Variants in ARHGAP8 observed in about 807,000 individuals in gnomAD.
ARHGAP8 encodes the protein rho GTPase-activating protein 8.
Under a neutral mutation model 46.1 loss-of-function variants are expected in ARHGAP8, and 62 were observed. That is an observed-to-expected ratio of 1.34 (90% CI 1.10 to 1.66). The LOEUF is 1.66. ARHGAP8 is among the 40% of genes most tolerant of loss of function. The probability of loss-of-function intolerance (pLI) is 0.00; values close to 1 mark genes in which losing one functional copy is unlikely to be tolerated. For missense variants in ARHGAP8, 923 were observed against 568.4 expected, an observed-to-expected ratio of 1.62 and a Z score of -6.34; for synonymous variants, 375 against 243.1, an observed-to-expected ratio of 1.54 and a Z score of -5.05.
chr22:44,815,414 C>T (rs1364111035), intron 5 of ARHGAP8, among the ~76,000 whole-genome samples: 1 of 151,476 alleles, frequency 6.6e-6, no homozygotes, highest in African/African-American at 2.5e-5. Context: ...AAGGCCCCCG[C>T]CCTCAATCAC....
intron 10 of ARHGAP8, among the ~76,000 whole-genome samples, chr22:44,852,381 C>T (rs931368446): frequency 6.6e-6 from 1 of 152,064 alleles, no homozygotes; most frequent in Non-Finnish European, 1.5e-5. Flanking sequence ...GACCCCCTCC[C>T]ATTAGAAGGT....
At chr22:44,813,948 C>T (rs1214154533) in intron 4 of ARHGAP8, among the ~76,000 whole-genome samples, 1 of 152,154 alleles carries the variant, frequency 6.6e-6, no homozygotes, top group Non-Finnish European at 1.5e-5. Flanking sequence ...GTCCTGCAGG[C>T]TGACCCCACG....
At position 44,804,145 on chromosome 22, in the gene ARHGAP8, G is replaced by A. The variant is rs544748704; in HGVS notation, c.167+1981G>A. ...GCACCCTGCACCCTCTGCATTGGCC[G>A]TTTCCCATTGCTCAGAAGGAACCAC... On this transcript the variant is annotated intron_variant, in intron 3 of 11. Coordinates refer to ENST00000356099, the MANE Select transcript of ARHGAP8 (RefSeq NM_181335.3). Among the ~76,000 whole-genome samples, 16 of 152,148 alleles carry A rather than the reference G, an allele frequency of 1.1e-4. No individual in the cohort carries two copies. In the South Asian group the frequency reaches 1.7e-3, roughly 16 times the overall value.
chr22:44,859,954 G>C (rs1452210743), intron 11 of ARHGAP8, 120 bp downstream of exon 11: 3 of 1,176,930 alleles, frequency 2.5e-6, no homozygotes, highest in Non-Finnish European at 3.5e-6. Flanking sequence ...TTGGGCCTCG[G>C]AATACCACTC....
chr22:44,786,911 C>T (rs1041465331), intron 2 of ARHGAP8, among the ~76,000 whole-genome samples: 1 of 151,772 alleles, frequency 6.6e-6, no homozygotes, highest in African/African-American at 2.4e-5. Flanking sequence ...CAGCTACTTG[C>T]GGGGCTGAGG....
intron 7 of ARHGAP8, among the ~76,000 whole-genome samples, chr22:44,837,243 C>G (rs1602245756): frequency 6.6e-6 from 1 of 152,150 alleles, no homozygotes; most frequent in African/African-American, 2.4e-5. Flanking sequence ...GCATGCAAAA[C>G]CAGAGAAAAA....
chr22:44,809,330 C>G (rs76583505), intron 4 of ARHGAP8: 19,639 of 397,798 alleles, frequency 0.049, 920 homozygotes, highest in African/African-American at 0.16. Context: ...TAGCTTGCAG[C>G]CTGTACCAAA....
intron 1 of ARHGAP8, among the ~76,000 whole-genome samples, chr22:44,782,976 G>A (rs1322757546): frequency 4.6e-5 from 7 of 152,258 alleles, no homozygotes; most frequent in East Asian, 1.9e-4. Context: ...CGTGGCTAAC[G>A]TGTAGGGCCA....
At chr22:44,847,800 A>G (rs866362466) in intron 8 of ARHGAP8, among the ~76,000 whole-genome samples, 173 bp from the exon 9 acceptor site, 17 of 152,202 alleles carry the variant, frequency 1.1e-4, no homozygotes, top group African/African-American at 4.1e-4. Context: ...TCCATGGACC[A>G]CAGAGGTGGG....
intron 1 of ARHGAP8, among the ~76,000 whole-genome samples, chr22:44,759,205 C>T (rs1924930027): frequency 6.6e-6 from 1 of 152,170 alleles, no homozygotes; most frequent in Admixed American, 6.5e-5. Context: ...CTCGTGTCCC[C>T]AGCCCCGGGT....
At chr22:44,813,591 A>G (rs1166605924) in intron 4 of ARHGAP8, among the ~76,000 whole-genome samples, 2 of 151,646 alleles carry the variant, frequency 1.3e-5, no homozygotes, top group Non-Finnish European at 2.9e-5. Context: ...CACCACTTAC[A>G]GCTACATACA....
intron 3 of ARHGAP8, among the ~76,000 whole-genome samples, 155 bp downstream of exon 3, chr22:44,802,319 G>A (rs914098263): frequency 2.6e-5 from 4 of 152,122 alleles, no homozygotes; most frequent in East Asian, 1.9e-4. Flanking sequence ...GAGCCTACCC[G>A]AGGGCCAACT....
chr22:44,835,639 G>A (rs1268325415), intron 7 of ARHGAP8, among the ~76,000 whole-genome samples: 1 of 152,106 alleles, frequency 6.6e-6, no homozygotes, highest in Non-Finnish European at 1.5e-5. Flanking sequence ...AAGGATTGGG[G>A]ACTTGCAAAC....
chr22:44,814,782 C>T (rs945628787), intron 5 of ARHGAP8, 24 bp downstream of exon 5: 11 of 1,612,500 alleles, frequency 6.8e-6, no homozygotes, highest in South Asian at 1.1e-5. Context: ...TGGGAGAGGA[C>T]CTCGCTGGGG....
At chr22:44,792,289 C>T (rs889823021) in intron 2 of ARHGAP8, among the ~76,000 whole-genome samples, 1 of 152,108 alleles carries the variant, frequency 6.6e-6, no homozygotes, top group Non-Finnish European at 1.5e-5. Flanking sequence ...GGATTACAGG[C>T]GTGAGCCACT....
At chr22:44,755,465 G>A (rs1466762370) in intron 1 of ARHGAP8, among the ~76,000 whole-genome samples, 1 of 152,236 alleles carries the variant, frequency 6.6e-6, no homozygotes, top group Non-Finnish European at 1.5e-5. Context: ...TAAAACTGAT[G>A]CTCAAGGAAG....
chr22:44,773,460 C>T (rs9614570), intron 1 of ARHGAP8, among the ~76,000 whole-genome samples: 8,694 of 152,244 alleles, frequency 0.057, 388 homozygotes, highest in African/African-American at 0.11. Flanking sequence ...CCCTAAATAG[C>T]TTGGTTTTTA....
intron 2 of ARHGAP8, among the ~76,000 whole-genome samples, chr22:44,801,115 A>G (rs552864410): frequency 2.9e-4 from 8 of 27,542 alleles, no homozygotes; most frequent in African/African-American, 6.6e-4. Flanking sequence ...GTGTGGGGGC[A>G]CCTCTCCCCG....
At chr22:44,854,423 G>C (rs1029982757) in intron 10 of ARHGAP8, among the ~76,000 whole-genome samples, 9 of 151,488 alleles carry the variant, frequency 5.9e-5, no homozygotes, top group African/African-American at 2.2e-4. Context: ...TAGTAGAGAC[G>C]GGCTTCACCA....
Sources: allele counts gnomAD v4.1 joint callset (sites outside exome capture counted in the v4.1 genomes callset), GRCh38; gene constraint gnomAD v4.1.1; transcripts MANE v1.5; gene names NCBI Gene and HGNC (gene_info 2026-07-23, HGNC 2026-07-21).